The following PCDHGA2 variants were observed in gnomAD, a reference collection of about 807,000 sequenced individuals.
PCDHGA2 encodes protocadherin gamma-A2.
Under a neutral mutation model 59.2 loss-of-function variants are expected in PCDHGA2, and 40 were observed. The ratio of observed to expected loss-of-function variants is 0.68; its 90% CI spans 0.52 to 0.88. The LOEUF (loss-of-function observed/expected upper bound fraction) is 0.88, where lower values mean the gene tolerates loss of function less well. PCDHGA2 is among the 40% of genes least tolerant of loss of function. PCDHGA2 has a pLI of 0.00. For missense variants in PCDHGA2, 1,226 were observed against 1,204.0 expected, an observed-to-expected ratio of 1.02 and a Z score of -0.27; for synonymous variants, 560 against 526.0, an observed-to-expected ratio of 1.06 and a Z score of -0.89.
At chr5:141,393,399 C>A in intron 1 of PCDHGA2, 2 of 1,614,028 alleles carry the variant, frequency 1.2e-6, no homozygotes, top group Non-Finnish European at 1.7e-6. Context: ...AGAGCTGGTG[C>A]TGGAGCGCGC....
chr5:141,348,136 CAT>C (rs1251540937), intron 1 of PCDHGA2, among the ~76,000 whole-genome samples: 2 of 152,178 alleles, frequency 1.3e-5, no homozygotes, highest in Non-Finnish European at 1.5e-5. Context: ...CTCATGAAAT[CAT>C]ATGAGAGTTA....
chr5:141,457,694 C>T (rs891323419), intron 1 of PCDHGA2, among the ~76,000 whole-genome samples: 4 of 152,214 alleles, frequency 2.6e-5, no homozygotes, highest in Non-Finnish European at 5.9e-5. Context: ...TTTGGATTGG[C>T]TTTGATGAAA....
rs775674745 is a variant in PCDHGA2 at position 141,371,722 on chromosome 5, T to C, written c.2424+30327T>C. The C allele has an allele frequency of 3.1e-5, 50 of 1,613,944 alleles. No homozygotes were observed. In the South Asian group the frequency reaches 5.4e-4, roughly 17 times the overall value. On this transcript the variant is annotated intron_variant, in intron 1 of 3. Coordinates refer to ENST00000394576, the MANE Select transcript of PCDHGA2 (RefSeq NM_018915.4). ...AGCAAGACCATCACTCTGCACATCC[T>C]TGATGTCAACGACAACGTTCCCGTT...
chr5:141,452,951 G>T (rs1397204185), intron 1 of PCDHGA2, among the ~76,000 whole-genome samples: 13 of 152,154 alleles, frequency 8.5e-5, no homozygotes, highest in Admixed American at 8.5e-4. Context: ...GCAATTGGTT[G>T]TCTTTAAACT....
chr5:141,350,807 C>A (rs541672672), intron 1 of PCDHGA2: 1 of 1,613,974 alleles, frequency 6.2e-7, no homozygotes, highest in South Asian at 1.1e-5. Flanking sequence ...GAAGGAAAGT[C>A]CTGATGGAAG....
intron 1 of PCDHGA2, chr5:141,374,629 G>T (rs1404855518): frequency 6.2e-7 from 1 of 1,613,096 alleles, no homozygotes; most frequent in Non-Finnish European, 8.5e-7. Flanking sequence ...CAGTGGACGT[G>T]CAAAGCGAAG....
intron 1 of PCDHGA2, among the ~76,000 whole-genome samples, chr5:141,406,298 T>G (rs2154537368): frequency 6.6e-6 from 1 of 152,178 alleles, no homozygotes; most frequent in East Asian, 1.9e-4. Flanking sequence ...GGGTGAGGTG[T>G]GAACCACCTC....
At position 141,432,783 on chromosome 5, in the gene PCDHGA2, T is replaced by G; in HGVS notation, c.2425-62024T>G. The G allele has an allele frequency of 6.2e-7, 1 of 1,614,118 alleles. No individual in the cohort carries two copies. On this transcript the variant is annotated intron_variant, in intron 1 of 3. Transcript: ENST00000394576. The surrounding 1 kb of genome is among the most constrained non-coding windows in gnomAD (Gnocchi z 6.0). ...AGCATCCCCCAAGTCCTGGCGGACC[T>G]CGGCAGCCTCGAGTCTCCAGCTAAC...
chr5:141,394,488 G>A (rs753312224), intron 1 of PCDHGA2: 5 of 1,614,196 alleles, frequency 3.1e-6, no homozygotes, highest in South Asian at 2.2e-5. Flanking sequence ...GAATGACAAC[G>A]CGCCCGAGAT....
chr5:141,352,619 G>T, intron 1 of PCDHGA2: 1 of 1,612,802 alleles, frequency 6.2e-7, no homozygotes. Context: ...GGTTGTATGT[G>T]CCAGTAATGA....
intron 1 of PCDHGA2, among the ~76,000 whole-genome samples, chr5:141,347,592 C>A (rs1757987474): frequency 6.6e-6 from 1 of 151,958 alleles, no homozygotes; most frequent in Admixed American, 6.6e-5. Context: ...TTCAAGAACA[C>A]CCTGGCCAAC....
intron 1 of PCDHGA2, chr5:141,352,201 G>A (rs1758945831): frequency 1.2e-6 from 2 of 1,613,806 alleles, no homozygotes; most frequent in African/African-American, 1.3e-5. Flanking sequence ...ATGGAGGACA[G>A]CCGCCACTCT....
At chr5:141,451,107 C>T (rs768308463) in intron 1 of PCDHGA2, among the ~76,000 whole-genome samples, 3 of 152,118 alleles carry the variant, frequency 2.0e-5, no homozygotes, top group Non-Finnish European at 4.4e-5. Flanking sequence ...GGATTACAGG[C>T]GTGAGCCACC....
rs1756939785 is a variant in PCDHGA2, at chr5:141,340,394, A to T, written c.1423A>T (p.Thr475Ser). 7 of 1,614,120 alleles carry T rather than the reference A, an allele frequency of 4.3e-6. No homozygotes were observed. The highest frequency in any genetic ancestry group is 5.9e-6 in the Non-Finnish European group (7 of 1,180,026). ...NPRGASVFSV[T>S]AHDPDSNDNA... ...CAGAGGAGCCTCTGTCTTCTCAGTG[A>T]CGGCCCATGACCCCGACAGCAACGA... The change falls in exon 1 of 4, where the codon ACG becomes TCG. Residue 475 changes from threonine to serine, a missense_variant. Transcript: ENST00000394576.
intron 1 of PCDHGA2, chr5:141,371,116 T>G (rs1486795854): frequency 1.2e-6 from 2 of 1,613,914 alleles, no homozygotes; most frequent in Non-Finnish European, 8.5e-7. Flanking sequence ...AACCCCCCAG[T>G]ATTTACTCAG....
At position 141,409,239 on chromosome 5, in the gene PCDHGA2, A is replaced by C. The variant is rs1330242516; in HGVS notation, c.2424+67844A>C. The C allele has an allele frequency of 5.0e-6, 8 of 1,613,920 alleles. No individual in the cohort carries two copies. In the Admixed American group the frequency reaches 1.3e-4, roughly 27 times the overall value. On this transcript the variant is annotated intron_variant, in intron 1 of 3. Transcript: ENST00000394576. ...CTTGATGAAAACGACAACAGCCCAG[A>C]AATAATCATCACTTCTCTCTCTGAT... is the stretch of plus-strand genomic sequence containing the variant.
chr5:141,403,248 G>A lies in PCDHGA2; in HGVS notation c.2424+61853G>A, dbSNP rs778873368. 3.1e-6 allele frequency: 5 copies of A among 1,613,928 alleles called. No homozygotes were observed. The Admixed American group carries it at 6.7e-5, about 22-fold the overall frequency. On this transcript the variant is annotated intron_variant, in intron 1 of 3. Transcript: ENST00000394576. ...GACCGGGAGGAGCTCTGTGCTCAGA[G>A]CCCGCGGTGTCTGGTGAACTTTAAA...
At position 141,339,776 on chromosome 5, in the gene PCDHGA2, G is replaced by A. The variant is rs778896419; in HGVS notation, c.805G>A (p.Ala269Thr). 8 of 1,614,188 alleles carry A rather than the reference G, an allele frequency of 5.0e-6. No homozygotes were observed. Among genetic ancestry groups the A allele is most frequent in the Admixed American group, 1.7e-5 (1 of 60,028 alleles). Residue 269 changes from alanine to threonine, a missense_variant, in exon 1 of 4, where the codon GCA becomes ACA. Coordinates refer to ENST00000394576, the MANE Select transcript of PCDHGA2 (RefSeq NM_018915.4). ...GATACTCACGGTGACCGCCACTGAC[G>A]CAGATGAGGGCTACTACGCTCAAGT... ...TRILTVTATD[A>T]DEGYYAQVVY...
chr5:141,408,174 C>T, intron 1 of PCDHGA2: 3 of 1,531,244 alleles, frequency 2.0e-6, no homozygotes, highest in Non-Finnish European at 1.8e-6. Flanking sequence ...ACTGGAAAAG[C>T]GGGGACCCAG....
Sources: allele counts gnomAD v4.1 joint callset (sites outside exome capture counted in the v4.1 genomes callset), GRCh38; gene constraint gnomAD v4.1.1; non-coding constraint Gnocchi (gnomAD v3.1); transcripts MANE v1.5; gene names NCBI Gene and HGNC (gene_info 2026-07-23, HGNC 2026-07-21).